The following MMD variants were observed in gnomAD, a reference collection of about 807,000 sequenced individuals.
MMD encodes monocyte to macrophage differentiation factor.
A neutral mutation model predicts 33.6 loss-of-function variants in MMD; 22 were observed. The ratio of observed to expected loss-of-function variants is 0.66; its 90% confidence interval spans 0.47 to 0.94. MMD has a LOEUF of 0.94. MMD is among the 40% of genes least tolerant of loss of function. The probability of loss-of-function intolerance (pLI) is 0.00; values close to 1 mark genes in which losing one functional copy is unlikely to be tolerated. For missense variants in MMD, 242 were observed against 309.8 expected (o/e 0.78, Z 1.64); for synonymous variants, 97 against 103.2 (o/e 0.94, Z 0.36).
At chr17:55,399,784 T>C (rs1277278896) in intron 6 of MMD, among the ~76,000 whole-genome samples, 2 of 152,248 alleles carry the variant, frequency 1.3e-5, no homozygotes, top group Non-Finnish European at 2.9e-5. Flanking sequence ...CTAAGTTCTA[T>C]GAAGGCAGTG....
At chr17:55,399,170 G>A (rs561462345) in intron 6 of MMD, among the ~76,000 whole-genome samples, 7 of 152,266 alleles carry the variant, frequency 4.6e-5, no homozygotes, top group African/African-American at 1.7e-4. Context: ...GGAAACTACT[G>A]GGGTGAATTC....
chr17:55,401,534 T>C lies in MMD; in HGVS notation c.451A>G (p.Lys151Glu). 6.2e-7 allele frequency: 1 copy of C among 1,609,052 alleles called. No individual in the cohort carries two copies. Among genetic ancestry groups the C allele is most frequent in the Non-Finnish European group, 8.5e-7 (1 of 1,178,028 alleles). ...AGATAGAAAAAGAGTTCAACCACCT[T>C]ATATCTGCAGGAACAAAAATGCAGT... is the stretch of plus-strand genomic sequence containing the variant. Reference protein sequence around the residue: ...IYVFLYHEKYKVVELFFYLTM... With the variant: ...IYVFLYHEKYEVVELFFYLTM... The change falls in exon 6 of 7, where the codon AAG (lysine) becomes GAG (glutamate). Residue 151 changes from lysine to glutamate, a missense_variant. By Grantham distance (56) the Lys-to-Glu change is moderately conservative. Transcript: ENST00000262065.
Position 55,421,791 on chromosome 17 carries a change from C to A in MMD, c.-96G>T. The A allele has an allele frequency of 4.4e-6, 6 of 1,375,226 alleles. No individual in the cohort carries two copies. The highest frequency in any genetic ancestry group is 5.8e-6 in the Non-Finnish European group (6 of 1,033,258). 85.2% of individuals were successfully genotyped at this position (1,375,226 alleles called of 1,614,324 possible). A position where few individuals can be genotyped will look rare whatever the true frequency, so the allele number is the denominator to read the frequency against. On this transcript the variant is annotated 5_prime_UTR_variant, in exon 1 of 7. Coordinates refer to ENST00000262065, the MANE Select transcript of MMD (RefSeq NM_012329.3). ...CATGGGCTTGGGCTGCTCCGGAGGC[C>A]GCCTGCGTGTCCAGCGGAACCCTTC...
At chr17:55,396,521 TAA>T (rs1426114048) in intron 6 of MMD, among the ~76,000 whole-genome samples, 1 of 152,248 alleles carries the variant, frequency 6.6e-6, no homozygotes, top group African/African-American at 2.4e-5. Flanking sequence ...TGCTTTAGAC[TAA>T]ATTGAATAAC....
chr17:55,394,194 A>T lies in MMD; in HGVS notation c.*140T>A. 1 of 635,260 alleles carries T rather than the reference A, an allele frequency of 1.6e-6. No homozygotes were observed. Among genetic ancestry groups the T allele is most frequent in the Non-Finnish European group, 2.4e-6 (1 of 412,138 alleles). 39.4% of individuals were successfully genotyped at this position (635,260 alleles called of 1,614,324 possible). A position where few individuals can be genotyped will look rare whatever the true frequency, so the allele number is the denominator to read the frequency against. On this transcript the variant is annotated 3_prime_UTR_variant, in exon 7 of 7. Transcript: ENST00000262065. The stretch of plus-strand genomic sequence containing the variant: ...GAAAATTCCAGAACACAGCCTTTAT[A>T]CTTTCACAGTAATTATATTCAAAAG...
intron 6 of MMD, among the ~76,000 whole-genome samples, chr17:55,397,834 C>T (rs1358845868): frequency 2.0e-5 from 3 of 152,032 alleles, no homozygotes; most frequent in East Asian, 1.9e-4. Context: ...AGCCACAGCA[C>T]CCGGACCCTT....
intron 2 of MMD, among the ~76,000 whole-genome samples, chr17:55,412,537 T>C (rs559793353): frequency 6.6e-6 from 1 of 152,342 alleles, no homozygotes; most frequent in Non-Finnish European, 1.5e-5. Context: ...GAGAATAAAC[T>C]ACTTTATTAG....
intron 6 of MMD, among the ~76,000 whole-genome samples, chr17:55,399,819 C>T (rs984570403): frequency 6.6e-6 from 1 of 152,186 alleles, no homozygotes; most frequent in African/African-American, 2.4e-5. Flanking sequence ...GCTTGATTAT[C>T]ACAAACATTA....
chr17:55,421,656 G>C lies in MMD; in HGVS notation c.26+14C>G. The C allele has an allele frequency of 6.3e-7, 1 of 1,598,660 alleles. No homozygotes were observed. Among genetic ancestry groups the C allele is most frequent in the South Asian group, 1.1e-5 (1 of 90,196 alleles). On this transcript the variant is annotated intron_variant, in intron 1 of 6. Coordinates refer to ENST00000262065, the MANE Select transcript of MMD (RefSeq NM_012329.3). ...CTGACACGGGCAGCGGGACCGGGAC[G>C]CCATCCCTCTCACCGCTGGAATCGA...
chr17:55,403,905 A>G, intron 4 of MMD, 37 bp from the exon 5 acceptor site: 1 of 1,488,676 alleles, frequency 6.7e-7, no homozygotes, highest in Non-Finnish European at 9.3e-7. Context: ...AACAGAAGTG[A>G]TAAATGAAGG....
chr17:55,397,437 A>G (rs562438375), intron 6 of MMD, among the ~76,000 whole-genome samples: 1 of 152,288 alleles, frequency 6.6e-6, no homozygotes, highest in East Asian at 1.9e-4. Flanking sequence ...AATTTTTGAC[A>G]TTAATATTAC....
chr17:55,399,114 C>T (rs1012008606), intron 6 of MMD, among the ~76,000 whole-genome samples: 1 of 152,168 alleles, frequency 6.6e-6, no homozygotes, highest in African/African-American at 2.4e-5. Context: ...GGCTGCTGTT[C>T]TCTGGGCTTT....
intron 4 of MMD, chr17:55,404,404 A>G (rs1416573755): frequency 1.1e-6 from 1 of 918,950 alleles, no homozygotes; most frequent in Non-Finnish European, 1.3e-6. Flanking sequence ...GAACCAGCTA[A>G]AAGCAGACAA....
intron 4 of MMD, chr17:55,404,437 T>A (rs914873546): frequency 2.0e-6 from 2 of 979,638 alleles, no homozygotes; most frequent in Non-Finnish European, 2.4e-6. Context: ...CCCAGCACTC[T>A]TATGACGCCT....
chr17:55,419,104 G>A (rs1262271092), intron 1 of MMD, among the ~76,000 whole-genome samples: 1 of 152,198 alleles, frequency 6.6e-6, no homozygotes, highest in East Asian at 1.9e-4. Context: ...GTGTGACTAT[G>A]GGCAAGTTCC....
chr17:55,401,643 C>A, intron 5 of MMD, 105 bp from the exon 6 acceptor site: 1 of 875,700 alleles, frequency 1.1e-6, no homozygotes, highest in Non-Finnish European at 1.7e-6. Context: ...AATGTAAACT[C>A]TTAACTATTC....
At position 55,421,650 on chromosome 17, in the gene MMD, C is replaced by T. The variant is rs1248228355; in HGVS notation, c.26+20G>A. On this transcript the variant is annotated intron_variant, in intron 1 of 6. Transcript: ENST00000262065. ...CCGCTTCTGACACGGGCAGCGGGACCGGGACGCCATCCCTCTCACCGCTGG... is the reference window on the plus strand; with the variant it reads ...CCGCTTCTGACACGGGCAGCGGGACTGGGACGCCATCCCTCTCACCGCTGG... 3.8e-6 allele frequency: 6 copies of T among 1,599,658 alleles called. No individual in the cohort carries two copies. Among genetic ancestry groups the T allele is most frequent in the Non-Finnish European group, 1.7e-6 (2 of 1,174,078 alleles).
At chr17:55,403,979 ACACT>A in intron 4 of MMD, 111 bp from the exon 5 acceptor site, 1 of 796,338 alleles carries the variant, frequency 1.3e-6, no homozygotes, top group South Asian at 1.8e-5. Context: ...GGAAGAAAAC[ACACT>A]CAACACATCA....
At chr17:55,397,622 C>T (rs549696646) in intron 6 of MMD, among the ~76,000 whole-genome samples, 2 of 152,102 alleles carry the variant, frequency 1.3e-5, no homozygotes, top group South Asian at 4.2e-4. Context: ...ACAACCTCCA[C>T]CTCTTGGGTT....
Sources: allele counts gnomAD v4.1 joint callset (sites outside exome capture counted in the v4.1 genomes callset), GRCh38; gene constraint gnomAD v4.1.1; transcripts MANE v1.5; gene names NCBI Gene and HGNC (gene_info 2026-07-23, HGNC 2026-07-21).